The following ARHGAP31 variants were observed in gnomAD, a reference collection of about 807,000 sequenced individuals.
ARHGAP31 encodes the protein rho GTPase-activating protein 31.
Under a neutral mutation model 113.9 loss-of-function variants are expected in ARHGAP31, and 34 were observed. The observed-to-expected ratio is 0.30, with a 90% confidence interval of 0.23 to 0.40. The LOEUF (loss-of-function observed/expected upper bound fraction) is 0.40, where lower values mean the gene tolerates loss of function less well. ARHGAP31 is among the 10% of genes least tolerant of loss of function. The pLI is 1.00. For synonymous variants in ARHGAP31, 650 were observed against 684.8 expected, an observed-to-expected ratio of 0.95 and a Z score of 0.79; for missense variants, 1,548 against 1,767.1, an observed-to-expected ratio of 0.88 and a Z score of 2.22.
chr3:119,392,728 G>T (rs1002064949), intron 7 of ARHGAP31, among the ~76,000 whole-genome samples: 2 of 152,162 alleles, frequency 1.3e-5, no homozygotes, highest in African/African-American at 2.4e-5. Context: ...TACCCTCTGC[G>T]TTTCTCTGCA....
chr3:119,391,380 G>A lies in ARHGAP31; in HGVS notation c.881+397G>A, dbSNP rs76403047. Among the ~76,000 whole-genome samples the A allele has an allele frequency of 4.4e-3, 664 of 151,892 alleles. 7 individuals carry two copies. The highest frequency in any genetic ancestry group is 0.015 in the African/African-American group (626 of 41,416). ...CCCCGACCCTCCATCCCCACGTGAC[G>A]ATACAAAAAGCATAGGGTTGACAAA... is the stretch of plus-strand genomic sequence containing the variant. On this transcript the variant is annotated intron_variant, in intron 7 of 11. Coordinates refer to ENST00000264245, the MANE Select transcript of ARHGAP31 (RefSeq NM_020754.4).
intron 8 of ARHGAP31, among the ~76,000 whole-genome samples, chr3:119,397,250 C>T (rs72966441): frequency 0.018 from 2,669 of 152,288 alleles, 65 homozygotes; most frequent in African/African-American, 0.059. Flanking sequence ...TGCTGTGCTC[C>T]GCAAGGCCAC....
intron 1 of ARHGAP31, among the ~76,000 whole-genome samples, chr3:119,346,723 C>G (rs2080060555): frequency 6.6e-6 from 1 of 152,160 alleles, no homozygotes; most frequent in Non-Finnish European, 1.5e-5. Context: ...GAAAGAAGCC[C>G]AGGTACTTAA....
intron 1 of ARHGAP31, among the ~76,000 whole-genome samples, chr3:119,307,133 T>C (rs1416293866): frequency 6.6e-6 from 1 of 152,094 alleles, no homozygotes; most frequent in African/African-American, 2.4e-5. Flanking sequence ...ATATGGTTTG[T>C]TTGCTGATAG....
At position 119,295,439 on chromosome 3, in the gene ARHGAP31, C is replaced by T. The variant is rs2079524862; in HGVS notation, c.100+435C>T. Among the ~76,000 whole-genome samples the T allele has an allele frequency of 2.3e-5, 3 of 133,282 alleles. No individual in the cohort carries two copies. In the South Asian group the frequency reaches 6.8e-4, roughly 30 times the overall value. The allele number at this position is 133,282 out of a possible 152,430, so 87.4% of individuals were successfully genotyped here. A position where few individuals can be genotyped will look rare whatever the true frequency, so the allele number is the denominator to read the frequency against. ...CTGTCCCTCCTGGGCTCTCCAATTT[C>T]GTCTGCTCACATCTTTTTTTATTAA... is the stretch of plus-strand genomic sequence containing the variant. On this transcript the variant is annotated intron_variant, in intron 1 of 11. Transcript: ENST00000264245.
chr3:119,331,978 A>G (rs2079895287), intron 1 of ARHGAP31, among the ~76,000 whole-genome samples: 2 of 152,176 alleles, frequency 1.3e-5, no homozygotes, highest in Admixed American at 6.5e-5. Flanking sequence ...TGAGCTGAAC[A>G]GCACCTCTGT....
At chr3:119,300,839 AAAAAAAGAAAG>A (rs1352482077) in intron 1 of ARHGAP31, among the ~76,000 whole-genome samples, 3 of 140,320 alleles carry the variant, frequency 2.1e-5, no homozygotes, top group South Asian at 4.7e-4. Context: ...TCAAAAAAAA[AAAAAAAGAAAG>A]AAAGAAAGAA....
intron 11 of ARHGAP31, 140 bp downstream of exon 11, chr3:119,409,916 G>T (rs1156516245): frequency 2.3e-6 from 2 of 872,064 alleles, no homozygotes. Flanking sequence ...AGACAAACTT[G>T]TAATGAAGGT....
In ARHGAP31 at chr3:119,409,583, A is replaced by G; in HGVS notation, c.1733A>G (p.Gln578Arg). ...GTGGAATGCAGCAAAGGCCTGTCCCAGGAGCCAGGCGCCCACCTGGAGGAG... is the reference window on the plus strand; with the variant it reads ...GTGGAATGCAGCAAAGGCCTGTCCCGGGAGCCAGGCGCCCACCTGGAGGAG... ...GTVECSKGLS[Q>R]EPGAHLEEKK... The change falls in exon 11 of 12, where the codon CAG becomes CGG. Residue 578 changes from glutamine to arginine, a missense_variant. Physicochemically the swap from Gln to Arg is conservative, Grantham distance 43. Coordinates refer to ENST00000264245, the MANE Select transcript of ARHGAP31 (RefSeq NM_020754.4). The G allele has an allele frequency of 1.2e-6, 2 of 1,614,168 alleles. No individual in the cohort carries two copies. Among genetic ancestry groups the G allele is most frequent in the Non-Finnish European group, 1.7e-6 (2 of 1,180,010 alleles).
intron 5 of ARHGAP31, among the ~76,000 whole-genome samples, chr3:119,382,725 G>A (rs933582007): frequency 1.3e-5 from 2 of 152,146 alleles, no homozygotes; most frequent in Non-Finnish European, 2.9e-5. Flanking sequence ...GTCACAGCTG[G>A]CTACAACCAG....
rs138989679 is a variant in ARHGAP31, at chr3:119,339,724, C to CA, written c.101-25584dup. 8.8e-3 allele frequency among the ~76,000 whole-genome samples: 1,324 copies of CA among 151,118 alleles called. 6 individuals are homozygous for CA. Among genetic ancestry groups the CA allele is most frequent in the African/African-American group, 0.016 (661 of 41,180 alleles). Reference sequence around the variant, plus strand: ...CTGGAACAACTAGACATTCCTAGGCCAAAAAAAATGAACCTTAATGTACAC... The same window carrying CA: ...CTGGAACAACTAGACATTCCTAGGCCAAAAAAAAATGAACCTTAATGTACAC... On this transcript the variant is annotated intron_variant, in intron 1 of 11. Coordinates refer to ENST00000264245, the MANE Select transcript of ARHGAP31 (RefSeq NM_020754.4).
Position 119,415,263 on chromosome 3 carries a change from G to A in ARHGAP31, c.3334G>A (p.Ala1112Thr), listed in dbSNP as rs1381542399. Residue 1112 changes from alanine to threonine, a missense_variant, in exon 12 of 12, where the codon GCC (alanine) becomes ACC (threonine). Ala to Thr is a moderately conservative substitution (Grantham distance 58, BLOSUM62 0). Transcript: ENST00000264245. ...GCCTTCTTCCCTCAACTTGGACCCT[G>A]CCATTCCCATTGCTGACCTCTTCTG... ...NRPSSLNLDP[A>T]IPIADLFWFE... The A allele has an allele frequency of 1.2e-6, 2 of 1,614,024 alleles. No individual in the cohort carries two copies. Among genetic ancestry groups the A allele is most frequent in the Non-Finnish European group, 1.7e-6 (2 of 1,180,030 alleles).
intron 1 of ARHGAP31, among the ~76,000 whole-genome samples, chr3:119,354,008 AAGTCAC>A (rs1321913926): frequency 1.3e-5 from 2 of 152,176 alleles, no homozygotes; most frequent in African/African-American, 2.4e-5. Flanking sequence ...CGGCAGGGAT[AAGTCAC>A]AGAGTGGACC....
At chr3:119,339,587 A>C (rs1577002163) in intron 1 of ARHGAP31, among the ~76,000 whole-genome samples, 1 of 151,846 alleles carries the variant, frequency 6.6e-6, no homozygotes, top group Non-Finnish European at 1.5e-5. Context: ...GAATCCATTA[A>C]CTCCCTCCGA....
At chr3:119,408,185 A>G (rs1559996133) in intron 10 of ARHGAP31, among the ~76,000 whole-genome samples, 2 of 152,162 alleles carry the variant, frequency 1.3e-5, no homozygotes, top group Non-Finnish European at 2.9e-5. Context: ...GGATTTTGGT[A>G]TTGGGGGGAG....
intron 4 of ARHGAP31, among the ~76,000 whole-genome samples, chr3:119,381,275 G>C (rs984727532): frequency 6.6e-6 from 1 of 152,078 alleles, no homozygotes; most frequent in Non-Finnish European, 1.5e-5. Context: ...TGGCATTCTT[G>C]GTTCATACCC....
intron 1 of ARHGAP31, among the ~76,000 whole-genome samples, chr3:119,313,740 C>G (rs893854946): frequency 1.3e-5 from 2 of 152,174 alleles, no homozygotes; most frequent in African/African-American, 4.8e-5. Flanking sequence ...TCCAGGCCAA[C>G]CTGGCACAGA....
At chr3:119,298,510 AG>A (rs2079552770) in intron 1 of ARHGAP31, among the ~76,000 whole-genome samples, 1 of 152,166 alleles carries the variant, frequency 6.6e-6, no homozygotes, top group African/African-American at 2.4e-5. Context: ...GGTTGGGGCC[AG>A]GAGCCAAGAG....
At chr3:119,372,793 A>G (rs1465925322) in intron 3 of ARHGAP31, among the ~76,000 whole-genome samples, 1 of 152,214 alleles carries the variant, frequency 6.6e-6, no homozygotes, top group Non-Finnish European at 1.5e-5. Context: ...TGTTATACAG[A>G]TCATTAAAAT....
Sources: gnomAD v4.1 joint callset for allele counts (sites outside exome capture counted in the v4.1 genomes callset) on GRCh38, gnomAD v4.1.1 for gene constraint, MANE v1.5 for transcripts, NCBI Gene and HGNC (gene_info 2026-07-23, HGNC 2026-07-21) for gene names.